Variants in GLRA3 observed in about 807,000 individuals in gnomAD.
The protein encoded by GLRA3 is glycine receptor subunit alpha-3.
A neutral mutation model predicts 60.4 loss-of-function variants in GLRA3; 44 were observed. The observed-to-expected ratio is 0.73, with a 90% confidence interval of 0.57 to 0.94. The LOEUF (loss-of-function observed/expected upper bound fraction) is 0.94, where lower values mean the gene tolerates loss of function less well. GLRA3 is among the 40% of genes least tolerant of loss of function. The pLI is 0.00. For synonymous variants in GLRA3, 223 were observed against 192.9 expected (o/e 1.16, Z -1.29); for missense variants, 508 against 564.6 (o/e 0.90, Z 1.02).
intron 5 of GLRA3, among the ~76,000 whole-genome samples, chr4:174,703,042 G>A (rs941064800): frequency 6.6e-6 from 1 of 152,148 alleles, no homozygotes; most frequent in Admixed American, 6.6e-5. Flanking sequence ...AAATCTGCAT[G>A]TAGATTTTCC....
chr4:174,802,416 A>G (rs1274929091), intron 1 of GLRA3, among the ~76,000 whole-genome samples: 1 of 152,106 alleles, frequency 6.6e-6, no homozygotes, highest in African/African-American at 2.4e-5. Flanking sequence ...ATAATGAACA[A>G]CAAAATCCTC....
At chr4:174,716,161 A>C (rs1205804464) in intron 4 of GLRA3, among the ~76,000 whole-genome samples, 3 of 152,216 alleles carry the variant, frequency 2.0e-5, no homozygotes, top group African/African-American at 7.2e-5. Flanking sequence ...CAGTGTATTT[A>C]GTAAAGTGAA....
chr4:174,814,401 A>C (rs927711501), intron 1 of GLRA3, among the ~76,000 whole-genome samples: 23 of 152,158 alleles, frequency 1.5e-4, no homozygotes, highest in Non-Finnish European at 8.8e-5. Context: ...CCACTGTCCA[A>C]GCAGTCCCTC....
Position 174,641,122 on chromosome 4 carries a change from C to T in GLRA3, c.*2664G>A, listed in dbSNP as rs567722928. ...TTCAATGATTGACATACAAATAATT[C>T]TTTTTAAGAAAATGATATAAACTGC... On this transcript the variant is annotated 3_prime_UTR_variant, in exon 10 of 10. Transcript: ENST00000274093. 1.3e-5 allele frequency: 2 copies of T among 152,104 alleles called. No individual in the cohort carries two copies. Among genetic ancestry groups the T allele is most frequent in the South Asian group, 4.1e-4 (2 of 4,828 alleles). 9.4% of individuals were successfully genotyped at this position (152,104 alleles called of 1,614,324 possible). A position where few individuals can be genotyped will look rare whatever the true frequency, so the allele number is the denominator to read the frequency against.
intron 3 of GLRA3, 70 bp from the exon 4 acceptor site, chr4:174,728,768 G>C: frequency 4.2e-6 from 4 of 952,510 alleles, no homozygotes; most frequent in Non-Finnish European, 6.4e-6. Flanking sequence ...CATAGTGTCA[G>C]TGTGGTGCCA....
At position 174,828,850 on chromosome 4, in the gene GLRA3, T is replaced by C. The variant is rs1237507408; in HGVS notation, c.-39A>G. On this transcript the variant is annotated 5_prime_UTR_variant, in exon 1 of 10. Transcript: ENST00000274093. ...ATTCACGATCCTGAAAATAGTCTTA[T>C]CCAAGGCATGGGGAACCAGAAAGAC... The C allele has an allele frequency of 2.2e-6, 3 of 1,335,682 alleles. No individual in the cohort carries two copies. The highest frequency in any genetic ancestry group is 1.4e-5 in the African/African-American group (1 of 69,700). The allele number at this position is 1,335,682 out of a possible 1,614,324, so 82.7% of individuals were successfully genotyped here. A position where few individuals can be genotyped will look rare whatever the true frequency, so the allele number is the denominator to read the frequency against.
rs1366304508 is a variant in GLRA3, at chr4:174,644,001, C to G, written c.1180G>C (p.Ala394Pro). The G allele has an allele frequency of 1.9e-6, 3 of 1,613,850 alleles. No individual in the cohort carries two copies. The African/African-American group carries it at 4.0e-5, about 22-fold the overall frequency. Reference protein sequence around the residue: ...TAYGMGPCLQAKDGMTPKGPN... With the variant: ...TAYGMGPCLQPKDGMTPKGPN... ...CCCTTTGGAGTCATGCCATCCTTTGCTTGTAGACATGGTCCCATTCCATAG... is the reference window on the plus strand; with the variant it reads ...CCCTTTGGAGTCATGCCATCCTTTGGTTGTAGACATGGTCCCATTCCATAG... Residue 394 changes from alanine (A) to proline (P), a missense_variant, in exon 10 of 10, where the codon GCA becomes CCA. Physicochemically the swap from Ala to Pro is conservative, Grantham distance 27 (BLOSUM62 -1). This residue lies in a region of GLRA3 where 176 missense variants were observed against 197.9 expected (regional missense o/e 0.89). Coordinates refer to ENST00000274093, the MANE Select transcript of GLRA3 (RefSeq NM_006529.4).
intron 1 of GLRA3, among the ~76,000 whole-genome samples, chr4:174,827,927 A>T (rs1741044083): frequency 6.6e-6 from 1 of 152,130 alleles, no homozygotes; most frequent in South Asian, 2.1e-4. Context: ...TAATTGTAAC[A>T]GTAAAATTAA....
rs553306775 is a variant in GLRA3 at position 174,689,756 on chromosome 4, T to TAAAAAAA, written c.575-6824_575-6818dup. 1.4e-3 allele frequency among the ~76,000 whole-genome samples: 56 copies of TAAAAAAA among 39,536 alleles called. 12 individuals carry two copies. Among genetic ancestry groups the TAAAAAAA allele is most frequent in the African/African-American group, 2.5e-3 (23 of 9,360 alleles). 25.9% of individuals were successfully genotyped at this position (39,536 alleles called of 152,430 possible). On this transcript the variant is annotated intron_variant, in intron 5 of 9. Transcript: ENST00000274093. ...AAAGGCACAGAGTGGTAAGTCGCAT[T>TAAAAAAA]AAAAAAAAAAAAAAAAAAAAAAAAA...
chr4:174,781,032 C>T (rs562406413), intron 2 of GLRA3, among the ~76,000 whole-genome samples: 1 of 152,294 alleles, frequency 6.6e-6, no homozygotes, highest in Admixed American at 6.5e-5. Context: ...CACCGTACCA[C>T]ACCTATTCCA....
chr4:174,658,919 GA>G, intron 8 of GLRA3, 134 bp downstream of exon 8: 1 of 736,732 alleles, frequency 1.4e-6, no homozygotes, highest in Non-Finnish European at 2.2e-6. Flanking sequence ...GTTTGGATTG[GA>G]AAAAAATGAA....
intron 9 of GLRA3, among the ~76,000 whole-genome samples, chr4:174,646,355 A>G (rs1270175742): frequency 6.6e-6 from 1 of 152,234 alleles, no homozygotes; most frequent in Non-Finnish European, 1.5e-5. Context: ...CTTTCCATAT[A>G]GCTGAGGGTG....
At position 174,641,720 on chromosome 4, in the gene GLRA3, G is replaced by T. The variant is rs990931458; in HGVS notation, c.*2066C>A. 2 of 151,978 alleles carry T rather than the reference G, an allele frequency of 1.3e-5. No homozygotes were observed. The highest frequency in any genetic ancestry group is 2.9e-5 in the Non-Finnish European group (2 of 67,916). The allele number at this position is 151,978 out of a possible 1,614,324, so 9.4% of individuals were successfully genotyped here. A position where few individuals can be genotyped will look rare whatever the true frequency, so the allele number is the denominator to read the frequency against. On this transcript the variant is annotated 3_prime_UTR_variant, in exon 10 of 10. Coordinates refer to ENST00000274093, the MANE Select transcript of GLRA3 (RefSeq NM_006529.4). The stretch of plus-strand genomic sequence containing the variant: ...ATTTCTTTTGGAAGTAAGCATGTTT[G>T]CATTCATTATATTTCTGTTTGCTCC...
At chr4:174,735,973 T>G (rs1736769653) in intron 3 of GLRA3, among the ~76,000 whole-genome samples, 1 of 152,160 alleles carries the variant, frequency 6.6e-6, no homozygotes, top group African/African-American at 2.4e-5. Context: ...TCTGGGGAAA[T>G]GAAGTATCAT....
At chr4:174,758,875 C>T (rs1218983890) in intron 3 of GLRA3, among the ~76,000 whole-genome samples, 2 of 152,064 alleles carry the variant, frequency 1.3e-5, no homozygotes, top group African/African-American at 2.4e-5. Flanking sequence ...CCCTGAAAAA[C>T]ATAGTTCTGA....
At chr4:174,810,075 G>C (rs1471081258) in intron 1 of GLRA3, among the ~76,000 whole-genome samples, 1 of 152,112 alleles carries the variant, frequency 6.6e-6, no homozygotes, top group East Asian at 1.9e-4. Context: ...TGAGGACTCT[G>C]GATTCTGCAA....
intron 1 of GLRA3, among the ~76,000 whole-genome samples, chr4:174,825,152 G>A (rs1418081831): frequency 6.6e-6 from 1 of 152,052 alleles, no homozygotes; most frequent in African/African-American, 2.4e-5. Flanking sequence ...GAAGGATAAT[G>A]TTATATATAG....
At chr4:174,674,156 C>T (rs7700002) in intron 7 of GLRA3, among the ~76,000 whole-genome samples, 51,869 of 151,786 alleles carry the variant, frequency 0.34, 9,043 homozygotes, top group African/African-American at 0.39. Context: ...TAATTGCTCC[C>T]CTTATTAAAA....
intron 7 of GLRA3, among the ~76,000 whole-genome samples, chr4:174,659,554 A>T (rs1025949235): frequency 1.3e-5 from 2 of 152,174 alleles, no homozygotes; most frequent in African/African-American, 4.8e-5. Flanking sequence ...TTTTTAAAAA[A>T]ATTAAAATTG....
Sources: allele counts gnomAD v4.1 joint callset (sites outside exome capture counted in the v4.1 genomes callset), GRCh38; gene constraint gnomAD v4.1.1; regional missense constraint gnomAD v4.1.1; transcripts MANE v1.5; gene names NCBI Gene and HGNC (gene_info 2026-07-23, HGNC 2026-07-21).